OR5K2: variants seen among roughly 807,000 people sequenced by gnomAD.
OR5K2 encodes olfactory receptor 5K2.
For synonymous variants in OR5K2, 124 were observed against 133.2 expected (o/e 0.93, Z 0.48); for missense variants, 402 against 369.8 (o/e 1.09, Z -0.71).
At position 98,498,532 on chromosome 3, in the gene OR5K2, A is replaced by T. The variant is rs2107113769; in HGVS notation, c.852A>T (p.Leu284Phe). Residue 284 changes from leucine to phenylalanine, a missense_variant, in exon 1 of 1, where the codon TTA becomes TTT. Coordinates refer to ENST00000427338, the MANE Select transcript of OR5K2 (RefSeq NM_001004737.1). ...AAILFTIVVPLLNPFIYSLRN... is the reference protein window; with the variant it reads ...AAILFTIVVPFLNPFIYSLRN... The stretch of plus-strand genomic sequence containing the variant: ...TTTTATTTACAATAGTAGTTCCCTT[A>T]CTAAATCCTTTCATTTATAGTCTGA... The T allele has an allele frequency of 6.2e-7, 1 of 1,607,796 alleles. No homozygotes were observed. Among genetic ancestry groups the T allele is most frequent in the South Asian group, 1.1e-5 (1 of 90,716 alleles).
chr3:98,498,043 C>A lies in OR5K2; in HGVS notation c.363C>A (p.Asp121Glu). 1 of 1,614,078 alleles carries A rather than the reference C, an allele frequency of 6.2e-7. No homozygotes were observed. The highest frequency in any genetic ancestry group is 8.5e-7 in the Non-Finnish European group (1 of 1,179,996). ...TTCTTCTGGCAGCAGTGGCCTATGA[C>A]CGCTATGTGGCCATCTGCAACCCAC... is the stretch of plus-strand genomic sequence containing the variant. ...DCFLLAAVAYDRYVAICNPLQ... is the reference protein window; with the variant it reads ...DCFLLAAVAYERYVAICNPLQ... The change falls in exon 1 of 1, where the codon GAC becomes GAA. Residue 121 changes from aspartate (D) to glutamate (E), a missense_variant. Transcript: ENST00000427338.
chr3:98,497,930 A>T lies in OR5K2; in HGVS notation c.250A>T (p.Asn84Tyr). 6.2e-7 allele frequency: 1 copy of T among 1,614,028 alleles called. No homozygotes were observed. The highest frequency in any genetic ancestry group is 1.7e-5 in the Admixed American group (1 of 60,002). Residue 84 changes from asparagine to tyrosine, a missense_variant, in exon 1 of 1, where the codon AAC becomes TAC. Transcript: ENST00000427338. ...TGCTATTACCCCCAAAATGTTAGAG[A>T]ACTTCTTTTCTGAGGGCAAAAGGAT... The part of the protein sequence containing the change: ...ACAITPKMLE[N>Y]FFSEGKRISL...
rs1331382152 is a variant in OR5K2, at chr3:98,498,449, T to C, written c.769T>C (p.Phe257Leu). Residue 257 changes from phenylalanine (F) to leucine (L), a missense_variant, in exon 1 of 1, where the codon TTC becomes CTC. Coordinates refer to ENST00000427338, the MANE Select transcript of OR5K2 (RefSeq NM_001004737.1). The part of the protein sequence containing the change: ...SVSLFYGSIF[F>L]LYIRPNLLEE... ...TTCATTATTCTATGGATCTATTTTTTTCCTATACATTAGACCAAATTTGCT... is the reference window on the plus strand; with the variant it reads ...TTCATTATTCTATGGATCTATTTTTCTCCTATACATTAGACCAAATTTGCT... 6.2e-7 allele frequency: 1 copy of C among 1,613,550 alleles called. No individual in the cohort carries two copies. The highest frequency in any genetic ancestry group is 8.5e-7 in the Non-Finnish European group (1 of 1,179,712).
Position 98,498,101 on chromosome 3 carries a change from T to C in OR5K2, c.421T>C (p.Cys141Arg). The C allele has an allele frequency of 3.1e-6, 5 of 1,614,080 alleles. No individual in the cohort carries two copies. Among genetic ancestry groups the C allele is most frequent in the Non-Finnish European group, 4.2e-6 (5 of 1,179,986 alleles). ...CCACATCATGATGTCCAAGAAACTC[T>C]GCATTCAGATGACCACAGGCGCCTT... is the stretch of plus-strand genomic sequence containing the variant. Reference protein sequence around the residue: ...QYHIMMSKKLCIQMTTGAFIA... With the variant: ...QYHIMMSKKLRIQMTTGAFIA... The change falls in exon 1 of 1, where the codon TGC becomes CGC. Residue 141 changes from cysteine to arginine, a missense_variant. By Grantham distance (180) the Cys-to-Arg change is radical. Coordinates refer to ENST00000427338, the MANE Select transcript of OR5K2 (RefSeq NM_001004737.1).
Position 98,497,785 on chromosome 3 carries a change from T to G in OR5K2, c.105T>G (p.Tyr35Ter), listed in dbSNP as rs1576248583. 1 of 1,614,080 alleles carries G rather than the reference T, an allele frequency of 6.2e-7. No individual in the cohort carries two copies. Among genetic ancestry groups the G allele is most frequent in the East Asian group, 2.2e-5 (1 of 44,880 alleles). Residue 35 changes from tyrosine (Y) to a stop codon, truncating the protein, a stop_gained, in exon 1 of 1, where the codon TAT (tyrosine) becomes TAG (stop). Transcript: ENST00000427338. LOFTEE classifies it low-confidence loss of function (END_TRUNC). ...TLLFVVFFAI[Y>*]LITVVGNISL... Reference sequence around the variant, plus strand: ...TGTTTGTGGTGTTCTTTGCCATCTATCTGATCACCGTGGTGGGGAATATTA... The same window carrying G: ...TGTTTGTGGTGTTCTTTGCCATCTAGCTGATCACCGTGGTGGGGAATATTA...
rs376897772 is a variant in OR5K2, at chr3:98,498,631, A to T, written c.951A>T (p.Ter317CysextTer?). The stretch of plus-strand genomic sequence containing the variant: ...AATCTCAAGGAAGTGTGAACAAATG[A>T]CATCTATCCTAGCTTAATGGTTTAA... ...KIKSQGSVNK[*>C] Residue 317 changes from the stop codon to cysteine, a stop_lost, in exon 1 of 1, where the codon TGA (stop) becomes TGT (cysteine). Transcript: ENST00000427338. 6.7e-7 allele frequency: 1 copy of T among 1,502,834 alleles called. No homozygotes were observed. The highest frequency in any genetic ancestry group is 2.3e-5 in the East Asian group (1 of 44,260). The allele number at this position is 1,502,834 out of a possible 1,614,324, so 93.1% of individuals were successfully genotyped here. A position where few individuals can be genotyped will look rare whatever the true frequency, so the allele number is the denominator to read the frequency against.
rs1173335727 is a variant in OR5K2 at position 98,498,540 on chromosome 3, C to A, written c.860C>A (p.Pro287His). 3.7e-6 allele frequency: 6 copies of A among 1,607,560 alleles called. No individual in the cohort carries two copies. Among genetic ancestry groups the A allele is most frequent in the Non-Finnish European group, 4.3e-6 (5 of 1,175,056 alleles). ...LFTIVVPLLN[P>H]FIYSLRNKEV... ...ACAATAGTAGTTCCCTTACTAAATC[C>A]TTTCATTTATAGTCTGAGAAACAAG... Residue 287 changes from proline to histidine, a missense_variant, in exon 1 of 1, where the codon CCT becomes CAT. Physicochemically the swap from Pro to His is moderately conservative, Grantham distance 77. Coordinates refer to ENST00000427338, the MANE Select transcript of OR5K2 (RefSeq NM_001004737.1).
chr3:98,498,035 G>T lies in OR5K2; in HGVS notation c.355G>T (p.Ala119Ser), dbSNP rs756167814. Residue 119 changes from alanine to serine, a missense_variant, in exon 1 of 1, where the codon GCC (alanine) becomes TCC (serine). Transcript: ENST00000427338. ...AGACTGCTTTCTTCTGGCAGCAGTG[G>T]CCTATGACCGCTATGTGGCCATCTG... ...TADCFLLAAV[A>S]YDRYVAICNP... 4 of 1,613,996 alleles carry T rather than the reference G, an allele frequency of 2.5e-6. No individual in the cohort carries two copies.
At position 98,498,453 on chromosome 3, in the gene OR5K2, T is replaced by C; in HGVS notation, c.773T>C (p.Leu258Pro). 4 of 1,613,536 alleles carry C rather than the reference T, an allele frequency of 2.5e-6. No individual in the cohort carries two copies. The highest frequency in any genetic ancestry group is 3.4e-6 in the Non-Finnish European group (4 of 1,179,692). Reference sequence around the variant, plus strand: ...TTATTCTATGGATCTATTTTTTTCCTATACATTAGACCAAATTTGCTTGAA... The same window carrying C: ...TTATTCTATGGATCTATTTTTTTCCCATACATTAGACCAAATTTGCTTGAA... The part of the protein sequence containing the change: ...VSLFYGSIFF[L>P]YIRPNLLEEG... The change falls in exon 1 of 1, where the codon CTA (leucine) becomes CCA (proline). Residue 258 changes from leucine (L) to proline (P), a missense_variant. Transcript: ENST00000427338.
In OR5K2 at chr3:98,498,446, T is replaced by G. The variant is rs1439546488; in HGVS notation, c.766T>G (p.Phe256Val). ...AGTTTCATTATTCTATGGATCTATTTTTTTCCTATACATTAGACCAAATTT... is the reference window on the plus strand; with the variant it reads ...AGTTTCATTATTCTATGGATCTATTGTTTTCCTATACATTAGACCAAATTT... Reference protein sequence around the residue: ...SSVSLFYGSIFFLYIRPNLLE... With the variant: ...SSVSLFYGSIVFLYIRPNLLE... The change falls in exon 1 of 1, where the codon TTT (phenylalanine) becomes GTT (valine). Residue 256 changes from phenylalanine to valine, a missense_variant. By Grantham distance (50) the Phe-to-Val change is conservative. Transcript: ENST00000427338. The G allele has an allele frequency of 1.2e-6, 2 of 1,613,586 alleles. No individual in the cohort carries two copies. The highest frequency in any genetic ancestry group is 1.1e-5 in the South Asian group (1 of 91,050).
At position 98,498,260 on chromosome 3, in the gene OR5K2, A is replaced by T. The variant is rs1476945777; in HGVS notation, c.580A>T (p.Ile194Phe). 6.2e-7 allele frequency: 1 copy of T among 1,614,068 alleles called. No homozygotes were observed. The highest frequency in any genetic ancestry group is 1.3e-5 in the African/African-American group (1 of 75,028). The change falls in exon 1 of 1, where the codon ATC becomes TTC. Residue 194 changes from isoleucine (I) to phenylalanine (F), a missense_variant. Coordinates refer to ENST00000427338, the MANE Select transcript of OR5K2 (RefSeq NM_001004737.1). ...LYRLSCVDPF[I>F]NELVLFIFSG... ...TAGACTCTCCTGTGTTGACCCTTTCATCAATGAACTGGTTCTATTCATCTT... is the reference window on the plus strand; with the variant it reads ...TAGACTCTCCTGTGTTGACCCTTTCTTCAATGAACTGGTTCTATTCATCTT...
chr3:98,498,064 C>T lies in OR5K2; in HGVS notation c.384C>T (p.Asn128=), dbSNP rs376458650. Reference sequence around the variant, plus strand: ...ATGACCGCTATGTGGCCATCTGCAACCCACTGCAGTACCACATCATGATGT... The same window carrying T: ...ATGACCGCTATGTGGCCATCTGCAATCCACTGCAGTACCACATCATGATGT... ...VAYDRYVAIC[N]PLQYHIMMSK... is the part of the protein sequence containing the mutation. Residue 128 remains asparagine (N), a synonymous_variant, in exon 1 of 1, where the codon AAC becomes AAT. Coordinates refer to ENST00000427338, the MANE Select transcript of OR5K2 (RefSeq NM_001004737.1). 1.2e-6 allele frequency: 2 copies of T among 1,613,952 alleles called. No homozygotes were observed. Among genetic ancestry groups the T allele is most frequent in the East Asian group, 2.2e-5 (1 of 44,888 alleles).
rs754691477 is a variant in OR5K2 at position 98,498,284 on chromosome 3, T to G, written c.604T>G (p.Phe202Val). The change falls in exon 1 of 1, where the codon TTC becomes GTC. Residue 202 changes from phenylalanine to valine, a missense_variant. Coordinates refer to ENST00000427338, the MANE Select transcript of OR5K2 (RefSeq NM_001004737.1). ...PFINELVLFI[F>V]SGSVQVFTIG... Reference sequence around the variant, plus strand: ...CATCAATGAACTGGTTCTATTCATCTTCTCAGGTTCAGTTCAAGTCTTTAC... The same window carrying G: ...CATCAATGAACTGGTTCTATTCATCGTCTCAGGTTCAGTTCAAGTCTTTAC... The G allele has an allele frequency of 6.2e-7, 1 of 1,614,010 alleles. No individual in the cohort carries two copies.
At position 98,497,802 on chromosome 3, in the gene OR5K2, G is replaced by A. The variant is rs779467234; in HGVS notation, c.122G>A (p.Gly41Glu). 2.5e-6 allele frequency: 4 copies of A among 1,614,024 alleles called. No individual in the cohort carries two copies. The East Asian group carries it at 8.9e-5, about 36-fold the overall frequency. ...FFAIYLITVV[G>E]NISLVALIFT... ...GCCATCTATCTGATCACCGTGGTGG[G>A]GAATATTAGTTTGGTGGCACTGATA... The change falls in exon 1 of 1, where the codon GGG (glycine) becomes GAG (glutamate). Residue 41 changes from glycine (G) to glutamate (E), a missense_variant. Transcript: ENST00000427338.
rs1163526887 is a variant in OR5K2 at position 98,498,046 on chromosome 3, C to T, written c.366C>T (p.Arg122=). Residue 122 remains arginine (R), a synonymous_variant, in exon 1 of 1, where the codon CGC becomes CGT. Coordinates refer to ENST00000427338, the MANE Select transcript of OR5K2 (RefSeq NM_001004737.1). ...TTCTGGCAGCAGTGGCCTATGACCG[C>T]TATGTGGCCATCTGCAACCCACTGC... ...CFLLAAVAYD[R]YVAICNPLQY... The T allele has an allele frequency of 3.1e-6, 5 of 1,613,974 alleles. No individual in the cohort carries two copies. In the African/African-American group the frequency reaches 6.7e-5, roughly 22 times the overall value.
At position 98,497,798 on chromosome 3, in the gene OR5K2, G is replaced by A. The variant is rs116163025; in HGVS notation, c.118G>A (p.Val40Met). The change falls in exon 1 of 1, where the codon GTG (valine) becomes ATG (methionine). Residue 40 changes from valine (V) to methionine (M), a missense_variant. Transcript: ENST00000427338. ...VFFAIYLITVVGNISLVALIF... is the reference protein window; with the variant it reads ...VFFAIYLITVMGNISLVALIF... The stretch of plus-strand genomic sequence containing the variant: ...CTTTGCCATCTATCTGATCACCGTG[G>A]TGGGGAATATTAGTTTGGTGGCACT... 18 of 1,613,948 alleles carry A rather than the reference G, an allele frequency of 1.1e-5. No individual in the cohort carries two copies. In the East Asian group the frequency reaches 3.8e-4, roughly 34 times the overall value.
At position 98,497,772 on chromosome 3, in the gene OR5K2, T is replaced by C. The variant is rs1380962600; in HGVS notation, c.92T>C (p.Phe31Ser). 6.2e-7 allele frequency: 1 copy of C among 1,614,076 alleles called. No individual in the cohort carries two copies. Among genetic ancestry groups the C allele is most frequent in the South Asian group, 1.1e-5 (1 of 91,078 alleles). The change falls in exon 1 of 1, where the codon TTC becomes TCC. Residue 31 changes from phenylalanine to serine, a missense_variant. By Grantham distance (155) the Phe-to-Ser change is radical. Coordinates refer to ENST00000427338, the MANE Select transcript of OR5K2 (RefSeq NM_001004737.1). The stretch of plus-strand genomic sequence containing the variant: ...CTGAAGACTCTGCTGTTTGTGGTGT[T>C]CTTTGCCATCTATCTGATCACCGTG... Reference protein sequence around the residue: ...PELKTLLFVVFFAIYLITVVG... With the variant: ...PELKTLLFVVSFAIYLITVVG...
rs1014627479 is a variant in OR5K2 at position 98,498,029 on chromosome 3, G to A, written c.349G>A (p.Ala117Thr). Residue 117 changes from alanine (A) to threonine (T), a missense_variant, in exon 1 of 1, where the codon GCA becomes ACA. Ala to Thr is a moderately conservative substitution (Grantham distance 58, BLOSUM62 0). Transcript: ENST00000427338. ...VETADCFLLA[A>T]VAYDRYVAIC... is the part of the protein sequence containing the mutation. ...AACTGCAGACTGCTTTCTTCTGGCA[G>A]CAGTGGCCTATGACCGCTATGTGGC... 1.2e-6 allele frequency: 2 copies of A among 1,614,062 alleles called. No individual in the cohort carries two copies. The highest frequency in any genetic ancestry group is 8.5e-7 in the Non-Finnish European group (1 of 1,180,000).
rs142059054 is a variant in OR5K2 at position 98,498,391 on chromosome 3, C to T, written c.711C>T (p.Ala237=). The T allele has an allele frequency of 1.5e-5, 24 of 1,613,498 alleles. No homozygotes were observed. The African/African-American group carries it at 3.1e-4, about 21-fold the overall frequency. The change falls in exon 1 of 1, where the codon GCC becomes GCT. Residue 237 remains alanine (A), a synonymous_variant. Coordinates refer to ENST00000427338, the MANE Select transcript of OR5K2 (RefSeq NM_001004737.1). ...RMKSKEGRAK[A]FSTCASHFSS... is the part of the protein sequence containing the mutation. Reference sequence around the variant, plus strand: ...AATCCAAGGAGGGAAGGGCCAAAGCCTTTTCTACTTGTGCATCCCACTTTT... The same window carrying T: ...AATCCAAGGAGGGAAGGGCCAAAGCTTTTTCTACTTGTGCATCCCACTTTT...
Sources: gnomAD v4.1 joint callset for allele counts on GRCh38, gnomAD v4.1.1 for gene constraint, MANE v1.5 for transcripts, NCBI Gene and HGNC (gene_info 2026-07-23, HGNC 2026-07-21) for gene names.